Variants in HIP1 observed in about 807,000 individuals in gnomAD.
HIP1 encodes huntingtin-interacting protein 1.
In HIP1, 65 loss-of-function variants were observed where a neutral mutation model predicts 147.6. The observed-to-expected ratio is 0.44, with a 90% CI of 0.36 to 0.54. The LOEUF (loss-of-function observed/expected upper bound fraction) is 0.54. Among genes scored for constraint, HIP1 ranks in the 20% least tolerant of loss-of-function variants. The pLI is 0.00. For missense variants in HIP1, 1,061 were observed against 1,299.6 expected (o/e 0.82, Z 2.82); for synonymous variants, 479 against 504.0 (o/e 0.95, Z 0.67).
chr7:75,618,156 A>T (rs1797730901), intron 1 of HIP1, among the ~76,000 whole-genome samples: 1 of 151,162 alleles, frequency 6.6e-6, no homozygotes, highest in Non-Finnish European at 1.5e-5. Flanking sequence ...TCTTTCTTTC[A>T]TTTTTTTTCT....
At chr7:75,560,140 G>A (rs1223708538) in intron 13 of HIP1, among the ~76,000 whole-genome samples, 1 of 152,206 alleles carries the variant, frequency 6.6e-6, no homozygotes, top group East Asian at 1.9e-4. Flanking sequence ...AGAGTGGCTG[G>A]GGGTAGCAGT....
intron 1 of HIP1, among the ~76,000 whole-genome samples, chr7:75,601,231 A>G (rs13232371): frequency 0.12 from 18,347 of 152,024 alleles, 1,359 homozygotes; most frequent in African/African-American, 0.19. Flanking sequence ...GATGGTATAG[A>G]CCCACGGATC....
intron 2 of HIP1, among the ~76,000 whole-genome samples, chr7:75,595,114 CTTCAT>C (rs1796640778): frequency 6.6e-6 from 1 of 152,242 alleles, no homozygotes; most frequent in South Asian, 2.1e-4. Context: ...TCGATGACAT[CTTCAT>C]TTAGAGAGGG....
At chr7:75,696,440 C>T (rs1554518753) in intron 1 of HIP1, among the ~76,000 whole-genome samples, 1 of 151,942 alleles carries the variant, frequency 6.6e-6, no homozygotes, top group Non-Finnish European at 1.5e-5. Flanking sequence ...AGCCATTCTG[C>T]TACTTTAGCT....
chr7:75,676,135 G>A (rs1268896555), intron 1 of HIP1, among the ~76,000 whole-genome samples: 1 of 152,170 alleles, frequency 6.6e-6, no homozygotes, highest in Admixed American at 6.6e-5. Context: ...GTTGCTGTTT[G>A]TTTAGTGACT....
intron 8 of HIP1, among the ~76,000 whole-genome samples, chr7:75,569,330 G>A (rs1795525024): frequency 1.3e-5 from 2 of 152,104 alleles, no homozygotes; most frequent in Admixed American, 6.6e-5. Context: ...ATGGCTGGGC[G>A]CAGTGGCTCC....
intron 1 of HIP1, among the ~76,000 whole-genome samples, chr7:75,647,103 T>C (rs1359186034): frequency 2.0e-5 from 3 of 151,362 alleles, no homozygotes; most frequent in Non-Finnish European, 4.4e-5. Context: ...TGGTGGCTCT[T>C]GCCTGTAATC....
chr7:75,694,572 G>A (rs1197371263), intron 1 of HIP1, among the ~76,000 whole-genome samples: 1 of 144,404 alleles, frequency 6.9e-6, no homozygotes, highest in African/African-American at 2.6e-5. Flanking sequence ...GTGCAGTGGT[G>A]TGATCACAGC....
intron 1 of HIP1, among the ~76,000 whole-genome samples, chr7:75,612,289 C>G (rs1554505139): frequency 1.3e-5 from 2 of 152,178 alleles, no homozygotes; most frequent in African/African-American, 4.8e-5. Flanking sequence ...GTGGGCGGAT[C>G]ACCCAAAGTC....
chr7:75,554,187 A>G lies in HIP1; in HGVS notation c.2084T>C (p.Leu695Pro), dbSNP rs1794904085. Residue 695 changes from leucine to proline, a missense_variant, in exon 21 of 31, where the codon CTG (leucine) becomes CCG (proline). By Grantham distance (98) the Leu-to-Pro change is moderately conservative (BLOSUM62 -3). Transcript: ENST00000336926. ...ISGLLHSITL[L>P]AHLTSDAIAH... ...AATGGCGTCGCTGGTCAAGTGGGCCAGCAGGGTTATGGAATGGAGAAGTCC... is the reference window on the plus strand; with the variant it reads ...AATGGCGTCGCTGGTCAAGTGGGCCGGCAGGGTTATGGAATGGAGAAGTCC... 1 of 1,614,108 alleles carries G rather than the reference A, an allele frequency of 6.2e-7. No individual in the cohort carries two copies. Among genetic ancestry groups the G allele is most frequent in the East Asian group, 2.2e-5 (1 of 44,886 alleles).
chr7:75,735,356 G>A (rs1047870057), intron 1 of HIP1, among the ~76,000 whole-genome samples: 7 of 152,098 alleles, frequency 4.6e-5, no homozygotes, highest in Admixed American at 1.3e-4. Context: ...TGCCTCAATC[G>A]TCCTGAGAGT....
chr7:75,621,307 T>C (rs1357464240), intron 1 of HIP1, among the ~76,000 whole-genome samples: 1 of 143,674 alleles, frequency 7.0e-6, no homozygotes, highest in Non-Finnish European at 1.6e-5. Context: ...CGAGGAAGTA[T>C]GGCTAGAGCC....
At chr7:75,558,368 GCT>G in intron 14 of HIP1, 113 bp from the exon 15 acceptor site, 1 of 818,022 alleles carries the variant, frequency 1.2e-6, no homozygotes, top group East Asian at 2.5e-5. Flanking sequence ...AGACAGTCTT[GCT>G]CTGTCACCCA....
intron 1 of HIP1, among the ~76,000 whole-genome samples, chr7:75,605,928 T>C (rs1797207079): frequency 6.6e-6 from 1 of 152,104 alleles, no homozygotes; most frequent in Admixed American, 6.6e-5. Context: ...TAGCTTACTA[T>C]AGCCTCAACC....
intron 2 of HIP1, among the ~76,000 whole-genome samples, chr7:75,594,593 G>A (rs183325763): frequency 6.6e-6 from 1 of 152,170 alleles, no homozygotes; most frequent in Admixed American, 6.5e-5. Context: ...GGCCAACATG[G>A]TGAAACCCCG....
chr7:75,608,988 G>A (rs1321707972), intron 1 of HIP1, among the ~76,000 whole-genome samples: 1 of 152,184 alleles, frequency 6.6e-6, no homozygotes, highest in Non-Finnish European at 1.5e-5. Flanking sequence ...TCTCCAGTGT[G>A]CTAAGGAAAG....
chr7:75,546,182 G>A (rs1000109565), intron 25 of HIP1, among the ~76,000 whole-genome samples: 6 of 151,034 alleles, frequency 4.0e-5, no homozygotes, highest in African/African-American at 1.5e-4. Context: ...CCAAAAAAAG[G>A]AGACTACACA....
chr7:75,556,894 C>G, intron 16 of HIP1, 83 bp from the exon 17 acceptor site: 1 of 854,044 alleles, frequency 1.2e-6, no homozygotes, highest in Middle Eastern at 2.2e-4. Flanking sequence ...CCCAAGCGAT[C>G]AACAAGAGAT....
At chr7:75,704,449 G>T (rs1800930066) in intron 1 of HIP1, among the ~76,000 whole-genome samples, 1 of 152,122 alleles carries the variant, frequency 6.6e-6, no homozygotes, top group Non-Finnish European at 1.5e-5. Flanking sequence ...TCTTCATGTT[G>T]GTCAGGCTGG....
Sources: gnomAD v4.1 joint callset for allele counts (sites outside exome capture counted in the v4.1 genomes callset) on GRCh38, gnomAD v4.1.1 for gene constraint, MANE v1.5 for transcripts, NCBI Gene and HGNC (gene_info 2026-07-23, HGNC 2026-07-21) for gene names.